TPTE2: variants seen among roughly 807,000 people sequenced by gnomAD.
The protein encoded by TPTE2 is phosphatidylinositol 3,4,5-trisphosphate 3-phosphatase TPTE2.
A neutral mutation model predicts 78.6 loss-of-function variants in TPTE2; 53 were observed. The observed-to-expected ratio is 0.67, with a 90% CI of 0.54 to 0.85. The LOEUF (loss-of-function observed/expected upper bound fraction) is 0.85. TPTE2 is among the 40% of genes least tolerant of loss of function. The pLI is 0.00. For synonymous variants in TPTE2, 175 were observed against 206.2 expected, an observed-to-expected ratio of 0.85 and a Z score of 1.30; for missense variants, 461 against 623.0, an observed-to-expected ratio of 0.74 and a Z score of 2.77.
intron 4 of TPTE2, among the ~76,000 whole-genome samples, chr13:19,476,767 G>C (rs2137596748): frequency 6.6e-6 from 1 of 152,298 alleles, no homozygotes; most frequent in African/African-American, 2.4e-5. Flanking sequence ...TTGTTGGTGG[G>C]AGTGTAAATT....
intron 4 of TPTE2, among the ~76,000 whole-genome samples, chr13:19,480,822 G>C (rs556899421): frequency 6.6e-6 from 1 of 152,124 alleles, no homozygotes; most frequent in South Asian, 2.1e-4. Context: ...CATTCCCTTT[G>C]ACACAGAATT....
chr13:19,469,080 C>T (rs1396308177), intron 6 of TPTE2, among the ~76,000 whole-genome samples: 1 of 152,090 alleles, frequency 6.6e-6, no homozygotes, highest in Non-Finnish European at 1.5e-5. Context: ...CAGGTATAGC[C>T]CAAGTAATTT....
intron 3 of TPTE2, among the ~76,000 whole-genome samples, chr13:19,483,625 C>T (rs1273009122): frequency 6.6e-6 from 1 of 152,052 alleles, no homozygotes; most frequent in Non-Finnish European, 1.5e-5. Flanking sequence ...TGCCTCAAAT[C>T]TGTTTATTTC....
At chr13:19,539,432 C>T (rs1027658429), upstream of TPTE2, among the ~76,000 whole-genome samples, 2 of 152,188 alleles carry the variant, frequency 1.3e-5, no homozygotes, top group Non-Finnish European at 2.9e-5. Context: ...CGCTCTCTTG[C>T]CTGCCACTGT....
intron 15 of TPTE2, among the ~76,000 whole-genome samples, 175 bp from the exon 19 acceptor site, chr13:19,432,753 A>G (rs982934891): frequency 2.0e-5 from 3 of 150,304 alleles, no homozygotes; most frequent in African/African-American, 7.4e-5. Context: ...ACAACTATCT[A>G]CCTTGAGGGA....
At chr13:19,434,743 A>C (rs1350917762) in intron 15 of TPTE2, among the ~76,000 whole-genome samples, 2 of 152,168 alleles carry the variant, frequency 1.3e-5, no homozygotes, top group African/African-American at 2.4e-5. Flanking sequence ...CACCACTTAA[A>C]GAAAAACTCA....
intron 1 of TPTE2, 127 bp downstream of exon 4, chr13:19,503,097 G>T: frequency 7.4e-7 from 1 of 1,352,168 alleles, no homozygotes; most frequent in South Asian, 1.2e-5. Flanking sequence ...GATGTGTTTG[G>T]GAGAAGTGTG....
At chr13:19,445,802 A>G (rs7991695) in intron 13 of TPTE2, among the ~76,000 whole-genome samples, 142,330 of 152,288 alleles carry the variant, frequency 0.93, 66,792 homozygotes, top group East Asian at 1. Flanking sequence ...GTAGCTGGGT[A>G]TGGTGGCGGA....
At chr13:19,424,446 T>A (rs1566032274) in intron 19 of TPTE2, among the ~76,000 whole-genome samples, 1 of 152,254 alleles carries the variant, frequency 6.6e-6, no homozygotes, top group Non-Finnish European at 1.5e-5. Flanking sequence ...AGACTATTAC[T>A]TAATGATATT....
chr13:19,428,213 T>C (rs549602729), intron 17 of TPTE2, among the ~76,000 whole-genome samples: 5 of 151,756 alleles, frequency 3.3e-5, no homozygotes, highest in South Asian at 2.1e-4. Flanking sequence ...CTTTGGGAGG[T>C]TGAGGTGGGC....
intron 16 of TPTE2, among the ~76,000 whole-genome samples, chr13:19,431,673 G>T (rs569976137): frequency 6.7e-6 from 1 of 149,010 alleles, no homozygotes; most frequent in South Asian, 2.2e-4. Context: ...TCCCATTCCA[G>T]GTGCAGAACT....
intron 1 of TPTE2, among the ~76,000 whole-genome samples, chr13:19,511,189 G>A (rs1869413460): frequency 6.6e-6 from 1 of 152,212 alleles, no homozygotes; most frequent in South Asian, 2.1e-4. Flanking sequence ...CTTTGCGAAG[G>A]CAAATGGTAG....
intron 10 of TPTE2, among the ~76,000 whole-genome samples, chr13:19,462,949 G>A (rs958391726): frequency 1.3e-5 from 2 of 151,496 alleles, no homozygotes; most frequent in African/African-American, 4.9e-5. Context: ...CTAGATTTTG[G>A]CCATATCTCT....
intron 3 of TPTE2, among the ~76,000 whole-genome samples, chr13:19,491,311 A>G (rs1413632379): frequency 6.6e-6 from 1 of 152,196 alleles, no homozygotes; most frequent in Non-Finnish European, 1.5e-5. Context: ...ACATATAATG[A>G]ATTTCTCTTT....
At chr13:19,425,891 C>G (rs1313133727) in intron 18 of TPTE2, 5 of 512,608 alleles carry the variant, frequency 9.8e-6, no homozygotes, top group African/African-American at 2.0e-5. Context: ...GCTGCCTTCT[C>G]TGTTTCACCC....
the TPTE2 span, among the ~76,000 whole-genome samples, chr13:19,559,497 G>A: frequency 6.7e-6 from 1 of 150,304 alleles, no homozygotes; most frequent in Non-Finnish European, 1.5e-5. Context: ...GCCACCCCAG[G>A]GGTCCAGGGG....
chr13:19,476,270 T>C (rs1263203682), intron 4 of TPTE2, among the ~76,000 whole-genome samples: 1 of 151,876 alleles, frequency 6.6e-6, no homozygotes, highest in Non-Finnish European at 1.5e-5. Context: ...TAATGCCTCA[T>C]TTTACCTTAT....
intron 10 of TPTE2, among the ~76,000 whole-genome samples, chr13:19,455,913 A>C (rs552056784): frequency 6.6e-6 from 1 of 152,336 alleles, no homozygotes; most frequent in South Asian, 2.1e-4. Context: ...GAATGACTAC[A>C]AAAGCCTATA....
chr13:19,502,653 T>TAGG (rs1868684926), intron 1 of TPTE2, among the ~76,000 whole-genome samples: 1 of 62,638 alleles, frequency 1.6e-5, no homozygotes. Flanking sequence ...TGTTGTGGGG[T>TAGG]AGGGGGAGGG....
Sources: gnomAD v4.1 joint callset for allele counts (sites outside exome capture counted in the v4.1 genomes callset) on GRCh38, gnomAD v4.1.1 for gene constraint, MANE v1.5 for transcripts, NCBI Gene and HGNC (gene_info 2026-07-23, HGNC 2026-07-21) for gene names.